Variants in RAPSN observed in about 807,000 individuals in gnomAD.
RAPSN encodes the protein 43 kDa receptor-associated protein of the synapse.
RAPSN carries 33 observed loss-of-function variants against 45.7 expected under a neutral mutation model. That is an observed-to-expected ratio of 0.72 (90% CI 0.55 to 0.97). RAPSN has a LOEUF of 0.97. Ranked by LOEUF, RAPSN falls within the 50% of genes least tolerant of loss-of-function variation. The pLI is 0.00. For synonymous variants in RAPSN, 244 were observed against 233.6 expected (o/e 1.04, Z -0.40); for missense variants, 519 against 559.4 (o/e 0.93, Z 0.73).
intron 6 of RAPSN, among the ~76,000 whole-genome samples, chr11:47,440,538 A>G (rs1032459241): frequency 4.6e-5 from 7 of 152,166 alleles, no homozygotes; most frequent in Non-Finnish European, 7.3e-5. Flanking sequence ...ACCTGAGGTC[A>G]GGAGTTTCAG....
At chr11:47,440,616 C>T (rs1387182285) in intron 6 of RAPSN, among the ~76,000 whole-genome samples, 5 of 152,102 alleles carry the variant, frequency 3.3e-5, no homozygotes, top group South Asian at 2.1e-4. Context: ...AGTGTGGTGG[C>T]GGGTGCCTAT....
At chr11:47,441,029 T>C (rs1463186455) in intron 6 of RAPSN, 130 bp downstream of exon 6, 1 of 1,137,344 alleles carries the variant, frequency 8.8e-7, no homozygotes, top group African/African-American at 1.5e-5. Context: ...GAGTATGGGG[T>C]TGGCTGCAGG....
At chr11:47,438,396 C>T in intron 7 of RAPSN, 3 of 572,694 alleles carry the variant, frequency 5.2e-6, no homozygotes, top group African/African-American at 1.9e-5. Flanking sequence ...GATCTCAGCT[C>T]ACTGCAGCCT....
At chr11:47,439,019 T>C (rs1194443872) in intron 6 of RAPSN, 88 bp from the exon 7 acceptor site, 1 of 1,410,926 alleles carries the variant, frequency 7.1e-7, no homozygotes, top group Non-Finnish European at 9.7e-7. Flanking sequence ...TTCCCTGTCT[T>C]GCTGATGGAC....
At chr11:47,442,078 T>C (rs2076370364) in intron 3 of RAPSN, among the ~76,000 whole-genome samples, 157 bp from the exon 4 acceptor site, 1 of 152,160 alleles carries the variant, frequency 6.6e-6, no homozygotes, top group South Asian at 2.1e-4. Flanking sequence ...ACTGAACCAC[T>C]GAAGTCACAG....
intron 1 of RAPSN, 78 bp from the exon 2 acceptor site, chr11:47,448,228 G>T (rs2076426154): frequency 1.4e-6 from 2 of 1,477,852 alleles, no homozygotes; most frequent in East Asian, 2.3e-5. Context: ...TGCAGGCTCA[G>T]ACCTGGAGGC....
intron 2 of RAPSN, among the ~76,000 whole-genome samples, chr11:47,446,223 TAA>T (rs575360258): frequency 2.2e-5 from 3 of 134,616 alleles, no homozygotes; most frequent in Admixed American, 7.6e-5. Context: ...CTTGCCAAAT[TAA>T]AAAAAAAAAA....
Position 47,438,031 on chromosome 11 carries a change from C to A in RAPSN, c.1183G>T (p.Gly395Trp), listed in dbSNP as rs768882267. 5.8e-6 allele frequency: 9 copies of A among 1,549,798 alleles called. No individual in the cohort carries two copies. In the South Asian group the frequency reaches 1.1e-4, roughly 18 times the overall value. The change falls in exon 8 of 8, where the codon GGG becomes TGG. Residue 395 changes from glycine to tryptophan, a missense_variant. By Grantham distance (184) the Gly-to-Trp change is radical (BLOSUM62 -2). Coordinates refer to ENST00000298854, the MANE Select transcript of RAPSN (RefSeq NM_005055.5). ...CGGCAGTTGGGACAGCTCCGGGTCCCGTTGTTCTGCAGGCACCTGGGGAGG... is the reference window on the plus strand; with the variant it reads ...CGGCAGTTGGGACAGCTCCGGGTCCAGTTGTTCTGCAGGCACCTGGGGAGG... ...IFHLRCLQNN[G>W]TRSCPNCRRS...
chr11:47,446,096 T>C (rs1565686786), intron 2 of RAPSN, among the ~76,000 whole-genome samples: 1 of 151,940 alleles, frequency 6.6e-6, no homozygotes, highest in Non-Finnish European at 1.5e-5. Context: ...GTCTGGTTCA[T>C]TTTTAAAGTT....
intron 2 of RAPSN, among the ~76,000 whole-genome samples, chr11:47,444,857 CAAAA>C (rs10611957): frequency 1.2e-5 from 1 of 80,718 alleles, no homozygotes; most frequent in African/African-American, 5.4e-5. Context: ...GACACTGTCT[CAAAA>C]AAAAAAAAAA....
At position 47,441,496 on chromosome 11, in the gene RAPSN, T is replaced by C. The variant is rs531892093; in HGVS notation, c.912+115A>G. On this transcript the variant is annotated intron_variant, in intron 5 of 7. Transcript: ENST00000298854. ...AATGACCAGGAATGTCCTGGCCTCG[T>C]AGGATCAGGGTGAGGCTGACGTCAG... The C allele has an allele frequency of 1.3e-4, 199 of 1,536,670 alleles. 1 individual carries two copies. The highest frequency in any genetic ancestry group is 1.0e-3 in the Middle Eastern group (6 of 5,940).
At chr11:47,444,804 G>T (rs534724597) in intron 2 of RAPSN, among the ~76,000 whole-genome samples, 1 of 137,178 alleles carries the variant, frequency 7.3e-6, no homozygotes, top group South Asian at 2.3e-4. Context: ...GTTGCAGTGA[G>T]CCGAGATCGC....
intron 2 of RAPSN, among the ~76,000 whole-genome samples, chr11:47,444,124 A>T (rs956849772): frequency 6.6e-6 from 1 of 152,080 alleles, no homozygotes; most frequent in Non-Finnish European, 1.5e-5. Flanking sequence ...TGACCAAAAG[A>T]GAAGTGTCAA....
At position 47,444,901 on chromosome 11, in the gene RAPSN, T is replaced by C. The variant is rs1429870873; in HGVS notation, c.532-2087A>G. Among the ~76,000 whole-genome samples the C allele has an allele frequency of 2.1e-5, 3 of 144,432 alleles. No individual in the cohort carries two copies. The East Asian group carries it at 6.3e-4, about 30-fold the overall frequency. 94.8% of individuals were successfully genotyped at this position (144,432 alleles called of 152,430 possible). A position where few individuals can be genotyped will look rare whatever the true frequency, so the allele number is the denominator to read the frequency against. ...AAAAGTAAATAAATGTCCCTAACTG[T>C]GTGTCATATTACTACAACCACACAC... On this transcript the variant is annotated intron_variant, in intron 2 of 7. Transcript: ENST00000298854.
chr11:47,444,577 G>A (rs945221627), intron 2 of RAPSN, among the ~76,000 whole-genome samples: 2 of 151,180 alleles, frequency 1.3e-5, no homozygotes, highest in African/African-American at 4.9e-5. Flanking sequence ...AAAAACCTAA[G>A]GCTGGGTGCA....
chr11:47,448,189 G>T (rs2153311453), intron 1 of RAPSN, 39 bp from the exon 2 acceptor site: 1 of 1,595,400 alleles, frequency 6.3e-7, no homozygotes, highest in Non-Finnish European at 8.5e-7. Context: ...GCTCAGCCTG[G>T]ACTCTGAGCC....
intron 3 of RAPSN, 113 bp from the exon 4 acceptor site, chr11:47,442,034 C>G: frequency 9.3e-7 from 1 of 1,073,992 alleles, no homozygotes; most frequent in Non-Finnish European, 1.4e-6. Flanking sequence ...TCCTCAGAGC[C>G]TAGTGAATCT....
At chr11:47,438,083 G>A (rs201367093) in intron 7 of RAPSN, 36 bp from the exon 8 acceptor site, 12 of 1,548,160 alleles carry the variant, frequency 7.8e-6, no homozygotes, top group African/African-American at 1.4e-5. Flanking sequence ...CTCCCCTGAG[G>A]CCTGTCCTTC....
chr11:47,440,810 C>T (rs970147461), intron 6 of RAPSN, among the ~76,000 whole-genome samples: 1 of 152,106 alleles, frequency 6.6e-6, no homozygotes, highest in Non-Finnish European at 1.5e-5. Context: ...TTATGTAGCC[C>T]AGGCTGCTCT....
Sources: gnomAD v4.1 joint callset for allele counts (sites outside exome capture counted in the v4.1 genomes callset) on GRCh38, gnomAD v4.1.1 for gene constraint, MANE v1.5 for transcripts, NCBI Gene and HGNC (gene_info 2026-07-23, HGNC 2026-07-21) for gene names.